Variants in FRMD5 observed in about 807,000 individuals in gnomAD.
FRMD5 encodes the protein FERM domain-containing protein 5.
FRMD5 carries 20 observed loss-of-function variants against 69.0 expected under a neutral mutation model. That is an observed-to-expected ratio of 0.29 (90% confidence interval 0.20 to 0.42). The LOEUF is 0.42. FRMD5 is among the 10% of genes least tolerant of loss of function. The probability of loss-of-function intolerance (pLI) is 1.00; values close to 1 mark genes in which losing one functional copy is unlikely to be tolerated. For missense variants in FRMD5, 595 were observed against 708.6 expected (o/e 0.84, Z 1.82); for synonymous variants, 271 against 260.1 (o/e 1.04, Z -0.40).
At position 43,982,148 on chromosome 15, in the gene FRMD5, T is replaced by G. The variant is rs143904140; in HGVS notation, c.103-57839A>C. Among the ~76,000 whole-genome samples the G allele has an allele frequency of 2.4e-4, 36 of 152,356 alleles. 1 individual carries two copies. Among genetic ancestry groups the G allele is most frequent in the African/African-American group, 8.2e-4 (34 of 41,594 alleles). ...GGGTTGACATCCTTCCATACAGTTC[T>G]GTGTGAAATGAGCCTTAAAGGTCCT... On this transcript the variant is annotated intron_variant, in intron 1 of 13. Transcript: ENST00000417257.
chr15:43,925,930 C>A (rs1456747821), intron 1 of FRMD5, among the ~76,000 whole-genome samples: 1 of 152,202 alleles, frequency 6.6e-6, no homozygotes, highest in Non-Finnish European at 1.5e-5. Flanking sequence ...TCCTTCATAG[C>A]ACTTATACCA....
At chr15:44,117,349 T>C (rs1158860845) in intron 1 of FRMD5, among the ~76,000 whole-genome samples, 4 of 152,118 alleles carry the variant, frequency 2.6e-5, no homozygotes, top group Non-Finnish European at 4.4e-5. Flanking sequence ...CTCACCTTTG[T>C]AGAGAATCTG....
At chr15:44,120,762 T>C (rs1186778846) in intron 1 of FRMD5, among the ~76,000 whole-genome samples, 2 of 151,646 alleles carry the variant, frequency 1.3e-5, no homozygotes, top group African/African-American at 4.8e-5. Flanking sequence ...TCTCCTGACC[T>C]CGTGATCCGC....
intron 1 of FRMD5, among the ~76,000 whole-genome samples, chr15:43,999,417 G>C (rs114112360): frequency 0.028 from 4,307 of 152,106 alleles, 176 homozygotes; most frequent in African/African-American, 0.089. Flanking sequence ...TCACACTGTT[G>C]TGCGACCAAT....
intron 1 of FRMD5, among the ~76,000 whole-genome samples, chr15:44,083,072 T>C (rs577544105): frequency 4.1e-4 from 62 of 152,094 alleles, no homozygotes; most frequent in African/African-American, 1.5e-3. Flanking sequence ...TCTCAAACAC[T>C]TTCTGATTAT....
At chr15:44,132,765 T>TG (rs199735810) in intron 1 of FRMD5, among the ~76,000 whole-genome samples, 36 of 150,282 alleles carry the variant, frequency 2.4e-4, no homozygotes, top group Admixed American at 3.3e-4. Context: ...TATGTATGTA[T>TG]TTATTTTTTT....
Position 43,873,853 on chromosome 15 carries a change from C to T in FRMD5, c.*32G>A, listed in dbSNP as rs867923161. The T allele has an allele frequency of 1.1e-5, 18 of 1,608,014 alleles. 1 individual carries two copies. In the Middle Eastern group the frequency reaches 2.3e-3, roughly 203 times the overall value. ...ATGGGTAGCCGGGTTCCTTGGTCCA[C>T]CTGGCTAGTTTTTGGGAGGAGTCAT... On this transcript the variant is annotated 3_prime_UTR_variant, in exon 14 of 14. Coordinates refer to ENST00000417257, the MANE Select transcript of FRMD5 (RefSeq NM_032892.5).
At chr15:43,927,250 G>T (rs930810625) in intron 1 of FRMD5, among the ~76,000 whole-genome samples, 1 of 152,086 alleles carries the variant, frequency 6.6e-6, no homozygotes. Context: ...CACCAGGTGG[G>T]GTGGAGGTCT....
chr15:43,951,330 G>A (rs1055143114), intron 1 of FRMD5, among the ~76,000 whole-genome samples: 5 of 151,424 alleles, frequency 3.3e-5, no homozygotes, highest in Admixed American at 2.6e-4. Flanking sequence ...GCTGAGGCAG[G>A]AGAATGGTGT....
chr15:44,144,169 C>T (rs1444707839), intron 1 of FRMD5, among the ~76,000 whole-genome samples: 7 of 152,094 alleles, frequency 4.6e-5, no homozygotes, highest in African/African-American at 1.7e-4. Context: ...TCCTTCTCGT[C>T]TTCTTTTTTT....
chr15:43,988,730 GGAGA>G (rs1889521531), intron 1 of FRMD5, among the ~76,000 whole-genome samples: 2 of 152,150 alleles, frequency 1.3e-5, no homozygotes, highest in Admixed American at 1.3e-4. Flanking sequence ...TGTGGACACG[GGAGA>G]GGACTGGGCC....
intron 1 of FRMD5, among the ~76,000 whole-genome samples, chr15:44,008,622 A>C (rs1456395149): frequency 2.0e-5 from 3 of 152,024 alleles, no homozygotes; most frequent in Non-Finnish European, 4.4e-5. Flanking sequence ...ATTTTGTGTA[A>C]ATGTATTTTC....
At chr15:44,159,445 C>T (rs1363528508) in intron 1 of FRMD5, among the ~76,000 whole-genome samples, 2 of 152,112 alleles carry the variant, frequency 1.3e-5, no homozygotes, top group Non-Finnish European at 2.9e-5. Context: ...CTACTGATAT[C>T]TCCAGATGAG....
intron 1 of FRMD5, among the ~76,000 whole-genome samples, chr15:43,939,876 A>G (rs375662677): frequency 2.0e-4 from 31 of 152,102 alleles, no homozygotes; most frequent in African/African-American, 7.5e-4. Flanking sequence ...GCTCTTTTTC[A>G]TTTGTCAGAG....
chr15:44,130,477 A>G (rs2077083472), intron 1 of FRMD5, among the ~76,000 whole-genome samples: 1 of 152,200 alleles, frequency 6.6e-6, no homozygotes, highest in Non-Finnish European at 1.5e-5. Context: ...TGAATAACTA[A>G]TAAGAAAAAG....
At chr15:43,903,530 T>C (rs892537878) in intron 6 of FRMD5, among the ~76,000 whole-genome samples, 2 of 152,216 alleles carry the variant, frequency 1.3e-5, no homozygotes, top group Non-Finnish European at 2.9e-5. Context: ...ATTTTTACAT[T>C]ATGAAGACGA....
chr15:43,970,035 T>TCCCGTCC (rs1168854737), intron 1 of FRMD5, among the ~76,000 whole-genome samples: 2 of 152,126 alleles, frequency 1.3e-5, no homozygotes, highest in Non-Finnish European at 2.9e-5. Flanking sequence ...AAAATGCAAA[T>TCCCGTCC]CACAAAAGGG....
intron 1 of FRMD5, among the ~76,000 whole-genome samples, chr15:44,098,129 CT>C (rs2140512855): frequency 7.0e-6 from 1 of 143,426 alleles, no homozygotes; most frequent in African/African-American, 2.6e-5. Context: ...AAAAAAAAAA[CT>C]AAACAACAAC....
chr15:44,193,185 G>A (rs1462595126), intron 1 of FRMD5, among the ~76,000 whole-genome samples: 2 of 152,164 alleles, frequency 1.3e-5, no homozygotes, highest in African/African-American at 4.8e-5. Flanking sequence ...AAATGGTGAT[G>A]TGAATTGTGT....
Sources: allele counts gnomAD v4.1 joint callset (sites outside exome capture counted in the v4.1 genomes callset), GRCh38; gene constraint gnomAD v4.1.1; transcripts MANE v1.5; gene names NCBI Gene and HGNC (gene_info 2026-07-23, HGNC 2026-07-21).